The following SH3GL3 variants were observed in gnomAD, a reference collection of about 807,000 sequenced individuals.
SH3GL3 encodes SH3 domain containing GRB2 like 3, endophilin A3, also known as endophilin-A3.
SH3GL3 carries 33 observed loss-of-function variants against 47.7 expected under a neutral mutation model. The observed-to-expected ratio is 0.69, with a 90% CI of 0.52 to 0.92. The LOEUF (loss-of-function observed/expected upper bound fraction) is 0.92, where lower values mean the gene tolerates loss of function less well. SH3GL3 is among the 40% of genes least tolerant of loss of function. The pLI, the probability that SH3GL3 is intolerant of heterozygous loss-of-function variation, is 0.00. For missense variants in SH3GL3, 363 were observed against 417.8 expected (o/e 0.87, Z 1.14); for synonymous variants, 155 against 148.8 (o/e 1.04, Z -0.30).
intron 1 of SH3GL3, among the ~76,000 whole-genome samples, chr15:83,535,770 C>G (rs1364239614): frequency 6.6e-6 from 1 of 152,186 alleles, no homozygotes; most frequent in South Asian, 2.1e-4. Flanking sequence ...TTTAAAAGGT[C>G]ACACTCATAG....
At chr15:83,569,863 TC>T (rs1342102768) in intron 4 of SH3GL3, among the ~76,000 whole-genome samples, 3 of 152,106 alleles carry the variant, frequency 2.0e-5, no homozygotes, top group Admixed American at 6.6e-5. Flanking sequence ...GTCCATTTTT[TC>T]CCCCCTGTCT....
chr15:83,585,789 A>G (rs758804457), intron 6 of SH3GL3, among the ~76,000 whole-genome samples: 10 of 152,192 alleles, frequency 6.6e-5, no homozygotes, highest in Non-Finnish European at 1.5e-4. Flanking sequence ...GATGCTGATC[A>G]CAGCTTGGCA....
intron 4 of SH3GL3, among the ~76,000 whole-genome samples, 188 bp from the exon 5 acceptor site, chr15:83,572,377 G>A (rs1185728147): frequency 6.6e-6 from 1 of 152,170 alleles, no homozygotes; most frequent in Non-Finnish European, 1.5e-5. Flanking sequence ...AGACCATAGA[G>A]AGGAAAATAC....
intron 6 of SH3GL3, among the ~76,000 whole-genome samples, chr15:83,585,012 A>G (rs1402667228): frequency 1.3e-5 from 2 of 152,216 alleles, no homozygotes; most frequent in African/African-American, 4.8e-5. Context: ...GTTGGTCCCC[A>G]TGGTCCCCAG....
chr15:83,465,839 C>A (rs1364926408), intron 1 of SH3GL3, among the ~76,000 whole-genome samples: 1 of 152,090 alleles, frequency 6.6e-6, no homozygotes, highest in Non-Finnish European at 1.5e-5. Context: ...GAGGTAATTG[C>A]AGATTCACAT....
chr15:83,490,809 C>T, intron 1 of SH3GL3: 1 of 1,614,022 alleles, frequency 6.2e-7, no homozygotes, highest in Non-Finnish European at 8.5e-7. Context: ...ACATTGAGGA[C>T]TCTCTTAAAT....
intron 1 of SH3GL3, among the ~76,000 whole-genome samples, chr15:83,502,490 T>A (rs1333946615): frequency 2.0e-5 from 3 of 152,218 alleles, no homozygotes; most frequent in Non-Finnish European, 4.4e-5. Flanking sequence ...ATCTGTGACT[T>A]TTGGAGGTAC....
chr15:83,450,010 A>C (rs945538298), intron 1 of SH3GL3, among the ~76,000 whole-genome samples: 8 of 152,222 alleles, frequency 5.3e-5, no homozygotes, highest in African/African-American at 1.9e-4. Context: ...TACCTGGGGC[A>C]GGGGAAGGGA....
At chr15:83,472,892 G>A (rs976944051) in intron 1 of SH3GL3, among the ~76,000 whole-genome samples, 1 of 152,152 alleles carries the variant, frequency 6.6e-6, no homozygotes, top group African/African-American at 2.4e-5. Flanking sequence ...TTACTTCCAG[G>A]TGGGGGAAGT....
At chr15:83,570,067 A>G (rs17158821) in intron 4 of SH3GL3, among the ~76,000 whole-genome samples, 7,999 of 152,258 alleles carry the variant, frequency 0.053, 391 homozygotes, top group Admixed American at 0.16. Context: ...AATCATGTTT[A>G]GAAAATCTTT....
At chr15:83,582,388 T>C (rs1034874140) in intron 6 of SH3GL3, among the ~76,000 whole-genome samples, 4 of 152,138 alleles carry the variant, frequency 2.6e-5, no homozygotes, top group African/African-American at 9.7e-5. Flanking sequence ...CCTGAGGTCT[T>C]TCCATTGGTC....
At chr15:83,621,111 C>T (rs1469757316), downstream of SH3GL3, among the ~76,000 whole-genome samples, 1 of 152,178 alleles carries the variant, frequency 6.6e-6, no homozygotes, top group East Asian at 1.9e-4. Context: ...ATCATCAGAC[C>T]ACTCAAACTT....
rs890497772 is a variant in SH3GL3 at position 83,565,156 on chromosome 15, T to C, written c.137T>C (p.Val46Ala). 5 of 1,566,334 alleles carry C rather than the reference T, an allele frequency of 3.2e-6. No individual in the cohort carries two copies. The highest frequency in any genetic ancestry group is 2.7e-5 in the African/African-American group (2 of 73,922). ...MERKIDVTNKVVAEILSKTTE... is the reference protein window; with the variant it reads ...MERKIDVTNKAVAEILSKTTE... ...AAGAAAATAGATGTTACCAATAAAG[T>C]TGTTGCAGAAATTCTTTCAAAAACC... Residue 46 changes from valine to alanine, a missense_variant, in exon 3 of 9, where the codon GTT becomes GCT. Physicochemically the swap from Val to Ala is moderately conservative, Grantham distance 64 (BLOSUM62 0). Coordinates refer to ENST00000427482, the MANE Select transcript of SH3GL3 (RefSeq NM_003027.5).
At chr15:83,609,470 A>C (rs1352624388) in intron 8 of SH3GL3, 11 of 371,502 alleles carry the variant, frequency 3.0e-5, no homozygotes, top group Non-Finnish European at 5.3e-5. Context: ...TACTCAGGTC[A>C]GTAGCTTCTG....
chr15:83,489,827 T>C (rs1040383940), intron 1 of SH3GL3, among the ~76,000 whole-genome samples: 1 of 150,050 alleles, frequency 6.7e-6, no homozygotes, highest in Admixed American at 6.7e-5. Context: ...TAGTAGGAAT[T>C]GTCAGAAGCC....
intron 1 of SH3GL3, among the ~76,000 whole-genome samples, chr15:83,491,061 C>T (rs886502447): frequency 6.6e-5 from 10 of 152,190 alleles, no homozygotes; most frequent in African/African-American, 2.2e-4. Context: ...TGACAAAGAC[C>T]TAAGGTCTAA....
downstream of SH3GL3, among the ~76,000 whole-genome samples, chr15:83,620,485 A>T (rs1027245269): frequency 6.6e-6 from 1 of 152,264 alleles, no homozygotes; most frequent in African/African-American, 2.4e-5. Flanking sequence ...CATGAAAACA[A>T]CATTCATCTC....
intron 8 of SH3GL3, among the ~76,000 whole-genome samples, chr15:83,601,208 C>G (rs1184937645): frequency 6.6e-6 from 1 of 152,162 alleles, no homozygotes; most frequent in Non-Finnish European, 1.5e-5. Flanking sequence ...TGTCTGATTG[C>G]TTTGGCTAGA....
At chr15:83,562,757 T>G (rs1340891083) in intron 2 of SH3GL3, among the ~76,000 whole-genome samples, 1 of 152,152 alleles carries the variant, frequency 6.6e-6, no homozygotes, top group Non-Finnish European at 1.5e-5. Context: ...CCCTCAAACT[T>G]TACATAAAAT....
Sources: allele counts gnomAD v4.1 joint callset (sites outside exome capture counted in the v4.1 genomes callset), GRCh38; gene constraint gnomAD v4.1.1; transcripts MANE v1.5; gene names NCBI Gene and HGNC (gene_info 2026-07-23, HGNC 2026-07-21).